The following CPE variants were observed in gnomAD, a reference collection of about 807,000 sequenced individuals.
The protein encoded by CPE is carboxypeptidase E.
Under a neutral mutation model 53.5 loss-of-function variants are expected in CPE, and 17 were observed. That is an observed-to-expected ratio of 0.32 (90% CI 0.22 to 0.48). The LOEUF (loss-of-function observed/expected upper bound fraction) is 0.48. Among genes scored for constraint, CPE ranks in the 20% least tolerant of loss-of-function variants. The pLI is 0.99. For synonymous variants in CPE, 226 were observed against 228.8 expected, an observed-to-expected ratio of 0.99 and a Z score of 0.11; for missense variants, 524 against 614.7, an observed-to-expected ratio of 0.85 and a Z score of 1.56.
intron 1 of CPE, among the ~76,000 whole-genome samples, chr4:165,381,057 T>G (rs1730498718): frequency 6.6e-6 from 1 of 152,242 alleles, no homozygotes; most frequent in East Asian, 1.9e-4. Flanking sequence ...GAGAACCCTT[T>G]GTTACTCTAT....
At chr4:165,397,767 A>G (rs545193791) in intron 1 of CPE, among the ~76,000 whole-genome samples, 148 of 152,216 alleles carry the variant, frequency 9.7e-4, no homozygotes, top group African/African-American at 3.5e-3. Context: ...TTGGCCAGGC[A>G]TAGTGGCTCA....
chr4:165,436,226 A>T (rs926031820), intron 1 of CPE, among the ~76,000 whole-genome samples: 9 of 150,736 alleles, frequency 6.0e-5, no homozygotes, highest in Non-Finnish European at 8.9e-5. Flanking sequence ...GTGTGCACAG[A>T]ATCCAAGTTC....
At position 165,437,320 on chromosome 4, in the gene CPE, C is replaced by G. The variant is rs918223953; in HGVS notation, c.308-27070C>G. Among the ~76,000 whole-genome samples, 4 of 152,174 alleles carry G rather than the reference C, an allele frequency of 2.6e-5. No individual in the cohort carries two copies. In the East Asian group the frequency reaches 7.7e-4, roughly 29 times the overall value. Reference sequence around the variant, plus strand: ...ATTAATTCTGGTCCAGCAAAAGCTTCACATGTCCCCTCTGGACACCATTTA... The same window carrying G: ...ATTAATTCTGGTCCAGCAAAAGCTTGACATGTCCCCTCTGGACACCATTTA... On this transcript the variant is annotated intron_variant, in intron 1 of 8. Transcript: ENST00000402744.
chr4:165,481,397 CTG>C, intron 3 of CPE, among the ~76,000 whole-genome samples: 1 of 152,316 alleles, frequency 6.6e-6, no homozygotes, highest in Non-Finnish European at 1.5e-5. Context: ...TCAAACCCTA[CTG>C]ATGCCATTAG....
intron 1 of CPE, among the ~76,000 whole-genome samples, chr4:165,445,311 G>A (rs2126688259): frequency 6.6e-6 from 1 of 151,338 alleles, no homozygotes; most frequent in Non-Finnish European, 1.5e-5. Flanking sequence ...TTTAGGCACA[G>A]CAGAATTTAT....
At chr4:165,405,411 C>G in intron 1 of CPE, 1 of 938,436 alleles carries the variant, frequency 1.1e-6, no homozygotes, top group Non-Finnish European at 1.8e-6. Context: ...AGATAACCAG[C>G]ATCGCTCCCT....
intron 1 of CPE, among the ~76,000 whole-genome samples, chr4:165,458,244 A>G (rs890513054): frequency 2.6e-5 from 4 of 152,170 alleles, no homozygotes; most frequent in African/African-American, 4.8e-5. Context: ...TTGTTTGTCA[A>G]TTTTTAAAAA....
intron 4 of CPE, among the ~76,000 whole-genome samples, chr4:165,483,591 A>G (rs1732456543): frequency 6.6e-6 from 1 of 152,172 alleles, no homozygotes; most frequent in African/African-American, 2.4e-5. Flanking sequence ...AGTTATATTA[A>G]TTTACATTTC....
intron 4 of CPE, among the ~76,000 whole-genome samples, chr4:165,483,129 T>C (rs1316622250): frequency 6.6e-6 from 1 of 152,082 alleles, no homozygotes; most frequent in Non-Finnish European, 1.5e-5. Context: ...AGGTAATTTT[T>C]CACCCCTCAC....
chr4:165,496,817 C>T (rs1732711806), intron 8 of CPE, among the ~76,000 whole-genome samples: 2 of 152,244 alleles, frequency 1.3e-5, no homozygotes, highest in South Asian at 4.1e-4. Context: ...GCATGCTGAA[C>T]TGTATTCTTC....
intron 1 of CPE, among the ~76,000 whole-genome samples, chr4:165,417,675 A>G (rs1560875621): frequency 2.0e-5 from 3 of 151,996 alleles, no homozygotes; most frequent in Admixed American, 1.3e-4. Context: ...TAACTAGATC[A>G]TATCAGTATA....
chr4:165,464,350 G>A (rs756770079), intron 1 of CPE, 40 bp from the exon 2 acceptor site: 1 of 1,496,168 alleles, frequency 6.7e-7, no homozygotes, highest in Admixed American at 1.9e-5. Context: ...GGCTCTGTAT[G>A]TCATAGAAAA....
rs147233167 is a variant in CPE at position 165,487,504 on chromosome 4, A to G, written c.1040A>G (p.Lys347Arg). ...ATCACCGTGGAGCTTAGCTGTGAGAAGTTCCCACCTGAAGAGACTCTGAAG... is the reference window on the plus strand; with the variant it reads ...ATCACCGTGGAGCTTAGCTGTGAGAGGTTCCCACCTGAAGAGACTCTGAAG... ...FEITVELSCE[K>R]FPPEETLKTY... The change falls in exon 6 of 9, where the codon AAG becomes AGG. Residue 347 changes from lysine to arginine, a missense_variant. Coordinates refer to ENST00000402744, the MANE Select transcript of CPE (RefSeq NM_001873.4). The G allele has an allele frequency of 6.7e-5, 108 of 1,614,022 alleles. No homozygotes were observed. Among genetic ancestry groups the G allele is most frequent in the Non-Finnish European group, 8.6e-5 (102 of 1,180,030 alleles).
rs1732636187 is a variant in CPE at position 165,493,113 on chromosome 4, G to C, written c.1114-58G>C. ...ATGCTTGATATGAAACATATTTAAG[G>C]CCATTTCTATAAATTTATAGGTCAT... On this transcript the variant is annotated intron_variant, in intron 6 of 8. Transcript: ENST00000402744. 4 of 1,071,016 alleles carry C rather than the reference G, an allele frequency of 3.7e-6. No individual in the cohort carries two copies. In the Admixed American group the frequency reaches 7.4e-5, roughly 20 times the overall value. The allele number at this position is 1,071,016 out of a possible 1,614,324, so 66.3% of individuals were successfully genotyped here.
At chr4:165,423,338 T>C (rs1731259009) in intron 1 of CPE, among the ~76,000 whole-genome samples, 4 of 152,104 alleles carry the variant, frequency 2.6e-5, no homozygotes, top group Admixed American at 2.6e-4. Context: ...TTCACACTAT[T>C]TCATAAATAA....
At chr4:165,494,376 C>T (rs116303475) in intron 7 of CPE, among the ~76,000 whole-genome samples, 88 of 152,250 alleles carry the variant, frequency 5.8e-4, no homozygotes, top group African/African-American at 2.0e-3. Context: ...AGAGGAGGGG[C>T]TCTAGAATAC....
At chr4:165,489,470 C>G (rs1341839835) in intron 6 of CPE, among the ~76,000 whole-genome samples, 2 of 152,074 alleles carry the variant, frequency 1.3e-5, no homozygotes, top group Non-Finnish European at 2.9e-5. Flanking sequence ...TACCTAATCA[C>G]AAGAGAGGAG....
chr4:165,380,515 G>T (rs1191749642), intron 1 of CPE, among the ~76,000 whole-genome samples: 1 of 152,196 alleles, frequency 6.6e-6, no homozygotes, highest in African/African-American at 2.4e-5. Context: ...CTGGTCTTCT[G>T]ATAATCAAGG....
intron 1 of CPE, among the ~76,000 whole-genome samples, chr4:165,449,047 T>G (rs1731765973): frequency 6.6e-6 from 1 of 152,208 alleles, no homozygotes; most frequent in African/African-American, 2.4e-5. Flanking sequence ...CACAGGCACA[T>G]GCACCTGTGT....
Sources: allele counts gnomAD v4.1 joint callset (sites outside exome capture counted in the v4.1 genomes callset), GRCh38; gene constraint gnomAD v4.1.1; transcripts MANE v1.5; gene names NCBI Gene and HGNC (gene_info 2026-07-23, HGNC 2026-07-21).